Variants in RAP1GAP2 observed in about 807,000 individuals in gnomAD.
RAP1GAP2 encodes RAP1 GTPase activating protein 2, also known as rap1 GTPase-activating protein 2.
In RAP1GAP2, 27 loss-of-function variants were observed where a neutral mutation model predicts 95.0. The ratio of observed to expected loss-of-function variants is 0.28; its 90% CI spans 0.21 to 0.39. RAP1GAP2 has a LOEUF of 0.39. Among genes scored for constraint, RAP1GAP2 ranks in the 10% least tolerant of loss-of-function variants. The pLI, the probability that RAP1GAP2 is intolerant of heterozygous loss-of-function variation, is 1.00. For missense variants in RAP1GAP2, 771 were observed against 970.0 expected (o/e 0.79, Z 2.72); for synonymous variants, 373 against 380.9 (o/e 0.98, Z 0.24).
At chr17:2,793,433 C>T (rs1304139423), upstream of RAP1GAP2, among the ~76,000 whole-genome samples, 2 of 152,156 alleles carry the variant, frequency 1.3e-5, no homozygotes. Context: ...GGATTACAGG[C>T]GTGAACCACT....
chr17:2,972,812 A>T (rs555639077), intron 8 of RAP1GAP2, among the ~76,000 whole-genome samples: 1 of 152,328 alleles, frequency 6.6e-6, no homozygotes, highest in Admixed American at 6.5e-5. Context: ...TAATATTAGG[A>T]AATTCATTCA....
At chr17:2,991,493 A>T in intron 12 of RAP1GAP2, 96 bp downstream of exon 12, 1 of 914,356 alleles carries the variant, frequency 1.1e-6, no homozygotes. Flanking sequence ...TGTGAGTTAA[A>T]AACACACAAG....
Position 2,878,607 on chromosome 17 carries a change from C to T in RAP1GAP2, c.81-26677C>T, listed in dbSNP as rs77491633. 2.7e-3 allele frequency among the ~76,000 whole-genome samples: 415 copies of T among 152,312 alleles called. 3 individuals are homozygous for T. Among genetic ancestry groups the T allele is most frequent in the African/African-American group, 9.2e-3 (382 of 41,582 alleles). On this transcript the variant is annotated intron_variant, in intron 2 of 24. Coordinates refer to ENST00000254695, the MANE Select transcript of RAP1GAP2 (RefSeq NM_015085.5). ...CTTGATTTAGGGCAGGGGTTTCTCT[C>T]GCTGGTTCCTGCTGGTTCATCAGCC...
upstream of RAP1GAP2, among the ~76,000 whole-genome samples, chr17:2,772,100 C>T (rs1385485810): frequency 6.6e-6 from 1 of 152,076 alleles, no homozygotes; most frequent in African/African-American, 2.4e-5. Context: ...AGCGATTCTC[C>T]TCCCTCAGCC....
intron 8 of RAP1GAP2, among the ~76,000 whole-genome samples, chr17:2,973,377 G>A (rs558010046): frequency 1.3e-5 from 2 of 152,280 alleles, no homozygotes; most frequent in African/African-American, 2.4e-5. Flanking sequence ...CTAGCCAGGC[G>A]TGGTGGTGGG....
intron 2 of RAP1GAP2, among the ~76,000 whole-genome samples, chr17:2,863,956 A>C (rs1274845683): frequency 6.6e-6 from 1 of 151,952 alleles, no homozygotes; most frequent in Non-Finnish European, 1.5e-5. Flanking sequence ...GGAAGCTGAG[A>C]CAGGAGAATC....
chr17:2,833,841 C>G (rs1489222000), intron 2 of RAP1GAP2, among the ~76,000 whole-genome samples: 1 of 152,074 alleles, frequency 6.6e-6, no homozygotes, highest in Non-Finnish European at 1.5e-5. Context: ...CATCATACTG[C>G]AAATTGCCTG....
intron 23 of RAP1GAP2, among the ~76,000 whole-genome samples, chr17:3,031,420 C>T (rs1382017684): frequency 6.6e-6 from 1 of 150,914 alleles, no homozygotes; most frequent in African/African-American, 2.5e-5. Flanking sequence ...TTCCTGGGTC[C>T]CCCAGTCCCT....
At position 2,887,429 on chromosome 17, in the gene RAP1GAP2, C is replaced by A. The variant is rs185349638; in HGVS notation, c.81-17855C>A. ...CGCTCTTGTTGTCCAAGCTGGAGTG[C>A]AATGGCGTGATCTCGGCTCACTACA... On this transcript the variant is annotated intron_variant, in intron 2 of 24. Coordinates refer to ENST00000254695, the MANE Select transcript of RAP1GAP2 (RefSeq NM_015085.5). Among the ~76,000 whole-genome samples, 524 of 150,170 alleles carry A rather than the reference C, an allele frequency of 3.5e-3. 1 individual carries two copies. The highest frequency in any genetic ancestry group is 0.012 in the African/African-American group (494 of 40,734).
At chr17:2,924,615 AG>A (rs997852973) in intron 3 of RAP1GAP2, among the ~76,000 whole-genome samples, 2 of 149,822 alleles carry the variant, frequency 1.3e-5, no homozygotes, top group African/African-American at 5.0e-5. Context: ...TTAGAGGTGG[AG>A]GGGGAAAGCG....
upstream of RAP1GAP2, among the ~76,000 whole-genome samples, chr17:2,774,479 C>T (rs1369636534): frequency 1.0e-5 from 1 of 97,998 alleles, no homozygotes; most frequent in Admixed American, 1.6e-4. Flanking sequence ...CCCCTGCTAT[C>T]GTTTTTTTTT....
chr17:2,963,367 C>T lies in RAP1GAP2; in HGVS notation c.247-63C>T. ...ATATCCCCCTTGCAAGACCTGGAAA[C>T]AGTGGTCAGACTTTACGGGCACTGC... On this transcript the variant is annotated intron_variant, in intron 5 of 24. Transcript: ENST00000254695. The surrounding 1 kb of genome is among the most constrained non-coding windows in gnomAD (Gnocchi z 4.8). The T allele has an allele frequency of 6.2e-7, 1 of 1,600,334 alleles. No individual in the cohort carries two copies. The highest frequency in any genetic ancestry group is 8.6e-7 in the Non-Finnish European group (1 of 1,167,806).
chr17:2,755,680 G>T, upstream of RAP1GAP2: 1 of 292,724 alleles, frequency 3.4e-6, no homozygotes, highest in Non-Finnish European at 6.3e-6. Flanking sequence ...CTCCTCCACC[G>T]TGCGGCCCGC....
At chr17:2,864,925 G>A (rs1017763995) in intron 2 of RAP1GAP2, among the ~76,000 whole-genome samples, 3 of 152,172 alleles carry the variant, frequency 2.0e-5, no homozygotes, top group African/African-American at 7.2e-5. Flanking sequence ...AGAAACACTC[G>A]TGGATCCCCG....
intron 1 of RAP1GAP2, among the ~76,000 whole-genome samples, chr17:2,782,284 T>A (rs2068679974): frequency 1.3e-5 from 2 of 152,152 alleles, no homozygotes; most frequent in Non-Finnish European, 2.9e-5. Flanking sequence ...TCCAGCCCCA[T>A]CCTCCCGAGC....
chr17:2,761,549 A>G (rs1269360459), intron 1 of RAP1GAP2, among the ~76,000 whole-genome samples: 4 of 151,988 alleles, frequency 2.6e-5, no homozygotes, highest in Admixed American at 1.3e-4. Flanking sequence ...CGGCCTCCCA[A>G]CGTGCTGGGA....
chr17:2,838,725 G>A (rs1212189355), intron 2 of RAP1GAP2, among the ~76,000 whole-genome samples: 1 of 152,156 alleles, frequency 6.6e-6, no homozygotes, highest in African/African-American at 2.4e-5. Flanking sequence ...AAGAGGACGG[G>A]ACACAGCATT....
chr17:2,858,501 C>T (rs577761164), intron 2 of RAP1GAP2, among the ~76,000 whole-genome samples: 4 of 152,250 alleles, frequency 2.6e-5, no homozygotes, highest in Admixed American at 1.3e-4. Context: ...ACTTACGGCC[C>T]CAATCTTGTT....
intron 11 of RAP1GAP2, among the ~76,000 whole-genome samples, chr17:2,986,538 T>A: frequency 7.1e-6 from 1 of 139,884 alleles, no homozygotes; most frequent in South Asian, 2.7e-4. Context: ...GCCAAGAAGA[T>A]AATTTTTTTT....
Sources: gnomAD v4.1 joint callset for allele counts (sites outside exome capture counted in the v4.1 genomes callset) on GRCh38, gnomAD v4.1.1 for gene constraint, Gnocchi (gnomAD v3.1) non-coding constraint, MANE v1.5 for transcripts, NCBI Gene and HGNC (gene_info 2026-07-23, HGNC 2026-07-21) for gene names.